MAD1L1: variants seen among roughly 807,000 people sequenced by gnomAD.
MAD1L1 encodes mitotic arrest deficient 1 like 1.
In MAD1L1, 95 loss-of-function variants were observed where a neutral mutation model predicts 96.9. That is an observed-to-expected ratio of 0.98 (90% confidence interval 0.83 to 1.16). MAD1L1 has a LOEUF of 1.16. Among genes scored for constraint, MAD1L1 ranks in the 50% most tolerant of loss-of-function variants. The probability of loss-of-function intolerance (pLI) is 0.00; values close to 1 mark genes in which losing one functional copy is unlikely to be tolerated. For missense variants in MAD1L1, 1,007 were observed against 954.4 expected (o/e 1.06, Z -0.73); for synonymous variants, 473 against 396.6 (o/e 1.19, Z -2.29).
At chr7:2,100,641 G>A (rs55836070) in intron 11 of MAD1L1, among the ~76,000 whole-genome samples, 4,144 of 152,346 alleles carry the variant, frequency 0.027, 99 homozygotes, top group South Asian at 0.09. Context: ...CCTTGGAAAC[G>A]GCCGCACTGG....
At chr7:1,953,954 G>C (rs1779613882) in intron 16 of MAD1L1, among the ~76,000 whole-genome samples, 1 of 152,184 alleles carries the variant, frequency 6.6e-6, no homozygotes, top group African/African-American at 2.4e-5. Flanking sequence ...TCAGTGTCCT[G>C]CCCAGTGCGG....
rs557724252 is a variant in MAD1L1, at chr7:2,009,462, ACCTT to A, written c.1359+5036_1359+5039del. On this transcript the variant is annotated intron_variant, in intron 13 of 18. Transcript: ENST00000265854. ...GGATGGGACGGAAGCTCAGGCCTCCACCTTCCTGGCCAGGTCTCCAAGTGGCTTG... is the reference window on the plus strand; with the variant it reads ...GGATGGGACGGAAGCTCAGGCCTCCACCTGGCCAGGTCTCCAAGTGGCTTG... Among the ~76,000 whole-genome samples the A allele has an allele frequency of 3.2e-3, 481 of 152,310 alleles. 1 individual carries two copies. Among genetic ancestry groups the A allele is most frequent in the Non-Finnish European group, 5.3e-3 (359 of 68,020 alleles).
intron 18 of MAD1L1, chr7:1,849,599 G>C (rs894425818): frequency 1.3e-5 from 2 of 152,244 alleles, no homozygotes; most frequent in African/African-American, 4.8e-5. Flanking sequence ...CCAAGAAGTC[G>C]TGCTCGGCGT....
At chr7:1,889,155 A>T (rs1229759769) in intron 18 of MAD1L1, among the ~76,000 whole-genome samples, 1 of 152,324 alleles carries the variant, frequency 6.6e-6, no homozygotes, top group East Asian at 1.9e-4. Context: ...ACAAGGCTTG[A>T]GGAGGTGAAG....
intron 11 of MAD1L1, among the ~76,000 whole-genome samples, chr7:2,098,346 G>A (rs1562684837): frequency 1.3e-5 from 2 of 152,172 alleles, no homozygotes; most frequent in Non-Finnish European, 2.9e-5. Context: ...ACGCCACGGG[G>A]ACCCAGGTGC....
intron 18 of MAD1L1, chr7:1,847,769 G>A (rs1478458402): frequency 1.3e-5 from 6 of 464,550 alleles, no homozygotes; most frequent in South Asian, 9.3e-5. Flanking sequence ...GCTGCGTGCT[G>A]TGTACAAGAA....
At chr7:2,204,026 G>A (rs1644230475) in intron 10 of MAD1L1, among the ~76,000 whole-genome samples, 1 of 152,214 alleles carries the variant, frequency 6.6e-6, no homozygotes, top group African/African-American at 2.4e-5. Context: ...CCATTCATTT[G>A]CATTTATGCA....
chr7:2,096,089 C>T (rs962967248), intron 11 of MAD1L1, among the ~76,000 whole-genome samples: 3 of 152,112 alleles, frequency 2.0e-5, no homozygotes, highest in Non-Finnish European at 2.9e-5. Flanking sequence ...AAAGCAAGGC[C>T]GGCGGCCAAG....
intron 11 of MAD1L1, among the ~76,000 whole-genome samples, chr7:2,130,386 G>A (rs951228860): frequency 2.6e-5 from 4 of 152,190 alleles, no homozygotes; most frequent in Admixed American, 2.0e-4. Context: ...GAGTTCCCCA[G>A]GGGCACACCA....
chr7:1,901,597 T>G (rs1335572638), intron 17 of MAD1L1, among the ~76,000 whole-genome samples: 2 of 152,216 alleles, frequency 1.3e-5, no homozygotes, highest in African/African-American at 2.4e-5. Flanking sequence ...CCAGCCCGGC[T>G]CGCTGTGTGC....
chr7:1,886,829 T>C (rs1369753111), intron 18 of MAD1L1, among the ~76,000 whole-genome samples: 1 of 152,262 alleles, frequency 6.6e-6, no homozygotes, highest in African/African-American at 2.4e-5. Flanking sequence ...AGCACAGGTC[T>C]GTGGCCCTAG....
Position 1,917,191 on chromosome 7 carries a change from C to T in MAD1L1, c.1808-18801G>A, listed in dbSNP as rs977951437. On this transcript the variant is annotated intron_variant, in intron 17 of 18. Transcript: ENST00000265854. Reference sequence around the variant, plus strand: ...ACACACACGGACAGAACAGTGTGGGCTTGGCGCTGGGGTCCAGCGAGGGAG... The same window carrying T: ...ACACACACGGACAGAACAGTGTGGGTTTGGCGCTGGGGTCCAGCGAGGGAG... 5.3e-5 allele frequency among the ~76,000 whole-genome samples: 8 copies of T among 152,328 alleles called. No individual in the cohort carries two copies. The Middle Eastern group carries it at 0.014, about 259-fold the overall frequency.
intron 5 of MAD1L1, 110 bp downstream of exon 5, chr7:2,222,465 C>T (rs1793658566): frequency 3.3e-6 from 3 of 913,790 alleles, no homozygotes; most frequent in Middle Eastern, 2.5e-4. Flanking sequence ...CGCAGCTGCC[C>T]GTGTGGGAAG....
intron 11 of MAD1L1, among the ~76,000 whole-genome samples, chr7:2,095,949 G>A (rs750345017): frequency 5.3e-5 from 8 of 152,266 alleles, no homozygotes; most frequent in African/African-American, 4.8e-5. Flanking sequence ...GAAGGAGAGC[G>A]CGGGTCCGCG....
intron 15 of MAD1L1, among the ~76,000 whole-genome samples, chr7:1,976,389 T>A (rs1233378883): frequency 6.6e-6 from 1 of 152,248 alleles, no homozygotes; most frequent in African/African-American, 2.4e-5. Context: ...GGAGTGAAGC[T>A]GCAGACCTTC....
intron 17 of MAD1L1, among the ~76,000 whole-genome samples, chr7:1,910,095 G>C (rs989662664): frequency 2.6e-5 from 4 of 152,152 alleles, no homozygotes; most frequent in African/African-American, 4.8e-5. Flanking sequence ...GAGTCCTGGG[G>C]TGACAGGCGG....
intron 11 of MAD1L1, among the ~76,000 whole-genome samples, chr7:2,111,549 C>T (rs1251511030): frequency 3.3e-5 from 5 of 152,222 alleles, no homozygotes; most frequent in Admixed American, 6.5e-5. Context: ...GATCCCGATA[C>T]GTGGGAAATC....
chr7:2,080,103 G>C, intron 11 of MAD1L1: 1 of 197,610 alleles, frequency 5.1e-6, no homozygotes, highest in South Asian at 8.5e-5. Flanking sequence ...GGCAGCAGGC[G>C]GGTGGGCCAG....
At position 2,069,353 on chromosome 7, in the gene MAD1L1, C is replaced by T. The variant is rs972718411; in HGVS notation, c.1074-15G>A. 6.4e-6 allele frequency: 10 copies of T among 1,571,760 alleles called. No homozygotes were observed. The African/African-American group carries it at 1.4e-4, about 21-fold the overall frequency. ...GCCCCCGGGCGCTGCATGGGAGAGA[C>T]AAGAGGGCAAAGCAATGAAGCCTGG... On this transcript the variant is annotated splice_polypyrimidine_tract_variant and intron_variant, in intron 11 of 18. Transcript: ENST00000265854.
Sources: gnomAD v4.1 joint callset for allele counts (sites outside exome capture counted in the v4.1 genomes callset) on GRCh38, gnomAD v4.1.1 for gene constraint, MANE v1.5 for transcripts, NCBI Gene and HGNC (gene_info 2026-07-23, HGNC 2026-07-21) for gene names.